Variants in NUDT21 observed in about 807,000 individuals in gnomAD.
NUDT21 encodes nudix hydrolase 21.
NUDT21 carries 5 observed loss-of-function variants against 29.8 expected under a neutral mutation model. The ratio of observed to expected loss-of-function variants is 0.17; its 90% CI spans 0.09 to 0.35. The LOEUF (loss-of-function observed/expected upper bound fraction) is 0.35. Among genes scored for constraint, NUDT21 ranks in the 10% least tolerant of loss-of-function variants. NUDT21 has a pLI of 1.00. For synonymous variants in NUDT21, 113 were observed against 98.5 expected (o/e 1.15, Z -0.87); for missense variants, 76 against 276.0 (o/e 0.28, Z 5.13).
At chr16:56,445,228 T>C (rs1306887545) in intron 3 of NUDT21, among the ~76,000 whole-genome samples, 3 of 152,222 alleles carry the variant, frequency 2.0e-5, no homozygotes, top group African/African-American at 7.2e-5. Context: ...TTTCAAGTTT[T>C]GTATATGGGA....
chr16:56,435,027 T>C, intron 4 of NUDT21, 198 bp from the exon 5 acceptor site: 1 of 387,460 alleles, frequency 2.6e-6, no homozygotes. Context: ...CAGTCAACCA[T>C]TCGAGATAAA....
rs114476893 is a variant in NUDT21 at position 56,433,170 on chromosome 16, T to C, written c.663-437A>G. Among the ~76,000 whole-genome samples, 834 of 152,324 alleles carry C rather than the reference T, an allele frequency of 5.5e-3. 6 individuals carry two copies. The highest frequency in any genetic ancestry group is 0.019 in the African/African-American group (793 of 41,560). The stretch of plus-strand genomic sequence containing the variant: ...AAAGTGGAGTGGCAAAAGATAAGGT[T>C]TGATTAGTGACGAAGTAGAAAGAGC... On this transcript the variant is annotated intron_variant, in intron 6 of 6. Coordinates refer to ENST00000300291, the MANE Select transcript of NUDT21 (RefSeq NM_007006.3).
intron 3 of NUDT21, among the ~76,000 whole-genome samples, chr16:56,446,057 A>C (rs1962214235): frequency 6.6e-6 from 1 of 152,236 alleles, no homozygotes; most frequent in East Asian, 1.9e-4. Context: ...CTAACATTGA[A>C]AACAATTTAC....
At chr16:56,446,531 CTAAA>C (rs1305346050) in intron 3 of NUDT21, 91 bp downstream of exon 3, 2 of 648,868 alleles carry the variant, frequency 3.1e-6, no homozygotes, top group African/African-American at 3.8e-5. Flanking sequence ...TTATTGAAAA[CTAAA>C]TATTCCAAAA....
At chr16:56,448,741 A>C (rs1005791904) in intron 1 of NUDT21, among the ~76,000 whole-genome samples, 2 of 152,224 alleles carry the variant, frequency 1.3e-5, no homozygotes, top group Non-Finnish European at 2.9e-5. Flanking sequence ...CTTTAAAGAT[A>C]GTTAAAAAAT....
chr16:56,445,559 T>G (rs1223319379), intron 3 of NUDT21, among the ~76,000 whole-genome samples: 1 of 152,236 alleles, frequency 6.6e-6, no homozygotes. Flanking sequence ...ATACACAACC[T>G]GTATAAATAT....
intron 2 of NUDT21, 42 bp from the exon 3 acceptor site, chr16:56,446,731 T>C: frequency 8.2e-7 from 1 of 1,225,796 alleles, no homozygotes. Flanking sequence ...CTTAATACAA[T>C]TTGGAGATAA....
At chr16:56,434,559 C>T (rs1962073406) in intron 5 of NUDT21, 114 bp from the exon 6 acceptor site, 1 of 790,310 alleles carries the variant, frequency 1.3e-6, no homozygotes, top group Non-Finnish European at 2.1e-6. Context: ...AGATAATTCT[C>T]ATTAATACAT....
Position 56,445,960 on chromosome 16 carries a change from C to CT in NUDT21, c.381+665dup, listed in dbSNP as rs1182115520. Among the ~76,000 whole-genome samples, 5 of 152,278 alleles carry CT rather than the reference C, an allele frequency of 3.3e-5. No individual in the cohort carries two copies. In the East Asian group the frequency reaches 9.6e-4, roughly 29 times the overall value. ...TGACTTTAGTTTTGTTTCTCCTTTG[C>CT]TTTTCTGTGTTTGCCAAGCTTTTTG... On this transcript the variant is annotated intron_variant, in intron 3 of 6. Transcript: ENST00000300291.
At chr16:56,436,438 T>C (rs941956313) in intron 4 of NUDT21, among the ~76,000 whole-genome samples, 1 of 152,236 alleles carries the variant, frequency 6.6e-6, no homozygotes, top group African/African-American at 2.4e-5. Context: ...GTGTTACTCA[T>C]TGGCACCTAA....
rs1330396045 is a variant in NUDT21 at position 56,430,299 on chromosome 16, A to G, written c.*2413T>C. 2 of 151,328 alleles carry G rather than the reference A, an allele frequency of 1.3e-5. No homozygotes were observed. Among genetic ancestry groups the G allele is most frequent in the Admixed American group, 1.3e-4 (2 of 15,234 alleles). The allele number at this position is 151,328 out of a possible 1,614,324, so 9.4% of individuals were successfully genotyped here. A position where few individuals can be genotyped will look rare whatever the true frequency, so the allele number is the denominator to read the frequency against. On this transcript the variant is annotated 3_prime_UTR_variant, in exon 7 of 7. Transcript: ENST00000300291. ...ATAAGTCCATCCTAAATGTAACTAC[A>G]AACAATTGTATAAACCTTTATAGTT...
rs1962048081 is a variant in NUDT21 at position 56,432,675 on chromosome 16, A to G, written c.*37T>C. On this transcript the variant is annotated 3_prime_UTR_variant, in exon 7 of 7. Transcript: ENST00000300291. ...ACTGTATATAGCTGTGCTCACAGAGACAAGCGGCTTCTTTTACTTCTCCAC... is the reference window on the plus strand; with the variant it reads ...ACTGTATATAGCTGTGCTCACAGAGGCAAGCGGCTTCTTTTACTTCTCCAC... The G allele has an allele frequency of 1.2e-6, 2 of 1,601,930 alleles. No individual in the cohort carries two copies. The highest frequency in any genetic ancestry group is 1.7e-6 in the Non-Finnish European group (2 of 1,172,996).
In NUDT21 at chr16:56,431,023, C is replaced by T. The variant is rs1236879613; in HGVS notation, c.*1689G>A. The stretch of plus-strand genomic sequence containing the variant: ...TATAAAACACACAACAAAAGTCTAC[C>T]TCTCTCCACCCTCCACAAATTGCAA... On this transcript the variant is annotated 3_prime_UTR_variant, in exon 7 of 7. Transcript: ENST00000300291. 6.6e-6 allele frequency: 1 copy of T among 152,198 alleles called. No homozygotes were observed. Among genetic ancestry groups the T allele is most frequent in the Non-Finnish European group, 1.5e-5 (1 of 68,034 alleles). The allele number at this position is 152,198 out of a possible 1,614,324, so 9.4% of individuals were successfully genotyped here.
At position 56,431,982 on chromosome 16, in the gene NUDT21, G is replaced by T. The variant is rs550444788; in HGVS notation, c.*730C>A. 8 of 152,184 alleles carry T rather than the reference G, an allele frequency of 5.3e-5. No individual in the cohort carries two copies. The highest frequency in any genetic ancestry group is 1.4e-4 in the African/African-American group (6 of 41,536). The allele number at this position is 152,184 out of a possible 1,614,324, so 9.4% of individuals were successfully genotyped here. On this transcript the variant is annotated 3_prime_UTR_variant, in exon 7 of 7. Coordinates refer to ENST00000300291, the MANE Select transcript of NUDT21 (RefSeq NM_007006.3). ...ATCCCTATTTTTACCATGGCTTTAAGAATAAGACACATAATTTCGCAACAG... is the reference window on the plus strand; with the variant it reads ...ATCCCTATTTTTACCATGGCTTTAATAATAAGACACATAATTTCGCAACAG...
intron 4 of NUDT21, among the ~76,000 whole-genome samples, chr16:56,435,743 TTATATATATATATATATATATA>T (rs777245596): frequency 0.03 from 824 of 27,066 alleles, 78 homozygotes; most frequent in Middle Eastern, 0.12. Context: ...AAAAAAAAAA[TTATATATATATATATATATATA>T]TATATATATA....
In NUDT21 at chr16:56,432,733, C is replaced by G; in HGVS notation, c.663G>C (p.Arg221Ser). The change falls in exon 7 of 7, where the codon AGG becomes AGC. Residue 221 changes from arginine (R) to serine (S), a missense_variant and splice_region_variant. Physicochemically the swap from Arg to Ser is moderately radical, Grantham distance 110 (BLOSUM62 -1). Transcript: ENST00000300291. ...GAATTCAGTTGTAAATAAAATTGAA[C>G]CTGAATTTTAAAAAGAACAATACCT... ...IISSLPQLLS[R>S]FNFIYN is the part of the protein sequence containing the mutation. The G allele has an allele frequency of 6.2e-7, 1 of 1,605,678 alleles. No homozygotes were observed. Among genetic ancestry groups the G allele is most frequent in the Non-Finnish European group, 8.5e-7 (1 of 1,173,870 alleles).
At chr16:56,447,698 G>T in intron 2 of NUDT21, 91 bp downstream of exon 2, 2 of 1,140,302 alleles carry the variant, frequency 1.8e-6, no homozygotes, top group East Asian at 2.4e-5. Flanking sequence ...TTGTTGAAAT[G>T]AATGACCGAG....
chr16:56,446,532 T>C (rs996751775), intron 3 of NUDT21, 94 bp downstream of exon 3: 24 of 660,510 alleles, frequency 3.6e-5, no homozygotes, highest in East Asian at 2.6e-4. Context: ...TATTGAAAAC[T>C]AAATATTCCA....
chr16:56,442,376 T>C (rs1962169985), intron 3 of NUDT21, among the ~76,000 whole-genome samples: 1 of 152,234 alleles, frequency 6.6e-6, no homozygotes, highest in South Asian at 2.1e-4. Flanking sequence ...ACTTGATTTA[T>C]AGTTTGATTA....
Sources: gnomAD v4.1 joint callset for allele counts (sites outside exome capture counted in the v4.1 genomes callset) on GRCh38, gnomAD v4.1.1 for gene constraint, MANE v1.5 for transcripts, NCBI Gene and HGNC (gene_info 2026-07-23, HGNC 2026-07-21) for gene names.